SELP: variants seen among roughly 807,000 people sequenced by gnomAD.
SELP encodes P-selectin.
SELP carries 92 observed loss-of-function variants against 104.1 expected under a neutral mutation model. The observed-to-expected ratio is 0.88, with a 90% CI of 0.75 to 1.05. The LOEUF is 1.05. Ranked by LOEUF, SELP falls within the 50% of genes least tolerant of loss-of-function variation. SELP has a pLI of 0.00. For missense variants in SELP, 1,022 were observed against 1,017.3 expected, an observed-to-expected ratio of 1.00 and a Z score of -0.06; for synonymous variants, 397 against 364.5, an observed-to-expected ratio of 1.09 and a Z score of -1.01.
At position 169,607,151 on chromosome 1, in the gene SELP, T is replaced by G; in HGVS notation, c.1334-17A>C. ...ACTGCAAAGCTAAGGGATGAGGAAGTAAGGAATAAAGAAACAGTAATACAC... is the reference window on the plus strand; with the variant it reads ...ACTGCAAAGCTAAGGGATGAGGAAGGAAGGAATAAAGAAACAGTAATACAC... On this transcript the variant is annotated splice_polypyrimidine_tract_variant and intron_variant, in intron 8 of 16. Transcript: ENST00000263686. The G allele has an allele frequency of 6.3e-7, 1 of 1,579,278 alleles. No homozygotes were observed.
In SELP at chr1:169,589,126, C is replaced by T. The variant is rs1195212769; in HGVS notation, c.*337G>A. 1 of 152,166 alleles carries T rather than the reference C, an allele frequency of 6.6e-6. No individual in the cohort carries two copies. Among genetic ancestry groups the T allele is most frequent in the East Asian group, 1.9e-4 (1 of 5,194 alleles). The allele number at this position is 152,166 out of a possible 1,614,324, so 9.4% of individuals were successfully genotyped here. A position where few individuals can be genotyped will look rare whatever the true frequency, so the allele number is the denominator to read the frequency against. On this transcript the variant is annotated 3_prime_UTR_variant, in exon 17 of 17. Coordinates refer to ENST00000263686, the MANE Select transcript of SELP (RefSeq NM_003005.4). ...TGCTTTCCAACAAAGTGGAGAAAAC[C>T]TTCCTTCAATCAAAAAATAAAGAGG... is the stretch of plus-strand genomic sequence containing the variant.
chr1:169,597,299 G>C, intron 10 of SELP, 123 bp from the exon 11 acceptor site: 1 of 851,976 alleles, frequency 1.2e-6, no homozygotes, highest in Non-Finnish European at 1.7e-6. Flanking sequence ...CAGGTATTTT[G>C]CTAGGCAGCA....
chr1:169,597,387 G>A (rs897585628), intron 10 of SELP, among the ~76,000 whole-genome samples: 1 of 152,204 alleles, frequency 6.6e-6, no homozygotes, highest in Non-Finnish European at 1.5e-5. Context: ...GAAGAGTATA[G>A]GTACAAGTCA....
chr1:169,619,315 T>C (rs1662977682), intron 1 of SELP, 96 bp from the exon 2 acceptor site: 2 of 907,268 alleles, frequency 2.2e-6, no homozygotes, highest in Admixed American at 4.3e-5. Flanking sequence ...GAAGTATAAT[T>C]GTGCCAATTT....
At chr1:169,624,869 G>C (rs1663301320) in intron 1 of SELP, among the ~76,000 whole-genome samples, 2 of 152,200 alleles carry the variant, frequency 1.3e-5, no homozygotes, top group Admixed American at 6.5e-5. Context: ...AGGCTAGTAG[G>C]TGTCCCATGG....
Position 169,613,080 on chromosome 1 carries a change from G to C in SELP, c.624C>G (p.His208Gln). 1 of 1,610,552 alleles carries C rather than the reference G, an allele frequency of 6.2e-7. No homozygotes were observed. Residue 208 changes from histidine to glutamine, a missense_variant, in exon 5 of 17, where the codon CAC (histidine) becomes CAG (glutamine). Physicochemically the swap from His to Gln is conservative, Grantham distance 24. Coordinates refer to ENST00000263686, the MANE Select transcript of SELP (RefSeq NM_003005.4). ...RECGELELPQ[H>Q]VLMNCSHPLG... ...GAGGGTGGCTGCAGTTCATGAGCAC[G>C]TGTTGAGGGAGCTCAAGTTCTCCAC...
intron 11 of SELP, 107 bp from the exon 12 acceptor site, chr1:169,596,241 G>A (rs530530454): frequency 4.1e-6 from 4 of 975,248 alleles, no homozygotes; most frequent in Non-Finnish European, 6.3e-6. Context: ...CATAACAAGG[G>A]AGGCTCCTGC....
At position 169,597,123 on chromosome 1, in the gene SELP, C is replaced by G. The variant is rs1275713116; in HGVS notation, c.1759G>C (p.Asp587His). The G allele has an allele frequency of 6.2e-7, 1 of 1,612,166 alleles. No homozygotes were observed. Among genetic ancestry groups the G allele is most frequent in the Non-Finnish European group, 8.5e-7 (1 of 1,179,010 alleles). ...APEQGSLDCS[D>H]TRGEFNVGST... The stretch of plus-strand genomic sequence containing the variant: ...CCAACATTGAATTCTCCACGAGTGT[C>G]AGAACAATCCAGGCTGCCCTGCTCT... The change falls in exon 11 of 17, where the codon GAC (aspartate) becomes CAC (histidine). Residue 587 changes from aspartate to histidine, a missense_variant. Asp to His is a moderately conservative substitution (Grantham distance 81). Coordinates refer to ENST00000263686, the MANE Select transcript of SELP (RefSeq NM_003005.4).
At chr1:169,620,060 TAGAC>T (rs1433953178) in intron 1 of SELP, among the ~76,000 whole-genome samples, 2 of 151,568 alleles carry the variant, frequency 1.3e-5, no homozygotes, top group Non-Finnish European at 1.5e-5. Context: ...AAAAAAAAAT[TAGAC>T]AGGTGTGGTG....
At chr1:169,610,078 G>A (rs571845627) in intron 7 of SELP, among the ~76,000 whole-genome samples, 8 of 152,028 alleles carry the variant, frequency 5.3e-5, no homozygotes, top group African/African-American at 1.9e-4. Context: ...TTCTGGAGCT[G>A]AGCAGAGTGT....
At chr1:169,603,497 G>A (rs556926476) in intron 9 of SELP, among the ~76,000 whole-genome samples, 1 of 152,232 alleles carries the variant, frequency 6.6e-6, no homozygotes, top group Non-Finnish European at 1.5e-5. Flanking sequence ...CAGCTTTAGA[G>A]GTGATTTTTA....
chr1:169,601,730 T>C (rs980049830), intron 10 of SELP, among the ~76,000 whole-genome samples: 2 of 152,226 alleles, frequency 1.3e-5, no homozygotes, highest in Non-Finnish European at 2.9e-5. Context: ...CCTGTCTCCA[T>C]ACTTCAAGCT....
chr1:169,591,481 T>G, intron 14 of SELP, 25 bp from the exon 15 acceptor site: 2 of 1,495,834 alleles, frequency 1.3e-6, no homozygotes, highest in Non-Finnish European at 1.8e-6. Flanking sequence ...AAGACAAGAA[T>G]GAATGATTAA....
intron 14 of SELP, among the ~76,000 whole-genome samples, chr1:169,592,672 T>C (rs907835558): frequency 1.3e-5 from 2 of 152,234 alleles, no homozygotes; most frequent in South Asian, 2.1e-4. Context: ...AACAGTCTGA[T>C]GAACACAGTT....
intron 3 of SELP, 78 bp downstream of exon 3, chr1:169,616,950 G>A (rs550316582): frequency 4.6e-5 from 61 of 1,340,420 alleles, no homozygotes; most frequent in South Asian, 6.0e-5. Context: ...GTGTTGACTC[G>A]GTGGTTATGT....
chr1:169,611,441 T>C (rs1662525576), intron 7 of SELP, 51 bp downstream of exon 7: 1 of 1,584,318 alleles, frequency 6.3e-7, no homozygotes, highest in East Asian at 2.2e-5. Flanking sequence ...CTCTCTACCA[T>C]GCCATGATTC....
chr1:169,618,166 G>C (rs1662918557), intron 2 of SELP, among the ~76,000 whole-genome samples: 1 of 152,198 alleles, frequency 6.6e-6, no homozygotes, highest in Non-Finnish European at 1.5e-5. Context: ...TTAGCACTGA[G>C]CCTAGAGTTT....
chr1:169,622,310 A>T (rs3917682), intron 1 of SELP, among the ~76,000 whole-genome samples: 5 of 152,086 alleles, frequency 3.3e-5, no homozygotes, highest in Admixed American at 1.3e-4. Flanking sequence ...AGTCTGACTA[A>T]ATTTTGATAG....
rs1661522107 is a variant in SELP, at chr1:169,594,819, G to A, written c.2160C>T (p.Leu720=). 3 of 1,613,864 alleles carry A rather than the reference G, an allele frequency of 1.9e-6. No homozygotes were observed. The highest frequency in any genetic ancestry group is 2.5e-6 in the Non-Finnish European group (3 of 1,179,814). ...NKPIAMNCSN[L]WGNFSYGSIC... Reference sequence around the variant, plus strand: ...TTGATCCATAACTGAAGTTTCCCCAGAGGTTGGAGCAGTTCATCGCTATTG... The same window carrying A: ...TTGATCCATAACTGAAGTTTCCCCAAAGGTTGGAGCAGTTCATCGCTATTG... Residue 720 remains leucine (L), a synonymous_variant, in exon 13 of 17, where the codon CTC becomes CTT. Transcript: ENST00000263686.
Sources: allele counts gnomAD v4.1 joint callset (sites outside exome capture counted in the v4.1 genomes callset), GRCh38; gene constraint gnomAD v4.1.1; transcripts MANE v1.5; gene names NCBI Gene and HGNC (gene_info 2026-07-23, HGNC 2026-07-21).